Variants in NBAS observed in about 807,000 individuals in gnomAD.
NBAS encodes NBAS subunit of NRZ tethering complex, also known as NAG/BC035112 fusion.
In NBAS, 219 loss-of-function variants were observed where a neutral mutation model predicts 302.5. The ratio of observed to expected loss-of-function variants is 0.72; its 90% CI spans 0.65 to 0.81. The LOEUF is 0.81. Among genes scored for constraint, NBAS ranks in the 30% least tolerant of loss-of-function variants. NBAS has a pLI of 0.00. For synonymous variants in NBAS, 1,118 were observed against 1,021.6 expected (o/e 1.09, Z -1.80); for missense variants, 2,932 against 2,841.6 (o/e 1.03, Z -0.72).
chr2:15,040,968 C>G, the NBAS span, among the ~76,000 whole-genome samples: 4 of 152,296 alleles, frequency 2.6e-5, no homozygotes, highest in East Asian at 7.7e-4. Context: ...ATTAAACTTT[C>G]CTCTCCAGCT....
chr2:14,815,878 T>C, the NBAS span, among the ~76,000 whole-genome samples: 1 of 152,312 alleles, frequency 6.6e-6, no homozygotes, highest in East Asian at 1.9e-4. Flanking sequence ...TAGAAATCAC[T>C]GAGGCCTGCT....
intron 35 of NBAS, among the ~76,000 whole-genome samples, chr2:15,334,651 G>A (rs1183531570): frequency 6.6e-6 from 1 of 152,102 alleles, no homozygotes; most frequent in Non-Finnish European, 1.5e-5. Flanking sequence ...TGCAAATTCA[G>A]AAAAAGTATG....
intron 48 of NBAS, among the ~76,000 whole-genome samples, chr2:15,210,561 G>A (rs1666359446): frequency 6.6e-6 from 1 of 152,126 alleles, no homozygotes; most frequent in Admixed American, 6.5e-5. Flanking sequence ...AGAAGAGTTT[G>A]GAAGTTCCTC....
the NBAS span, among the ~76,000 whole-genome samples, chr2:14,915,379 C>T: frequency 2.4e-4 from 36 of 152,164 alleles, no homozygotes; most frequent in Non-Finnish European, 4.1e-4. Flanking sequence ...TTATGAGCTG[C>T]GTGACCTGGC....
chr2:15,084,688 G>GGGGT, the NBAS span, among the ~76,000 whole-genome samples: 64 of 130,936 alleles, frequency 4.9e-4, no homozygotes, highest in African/African-American at 2.8e-3. Context: ...TCGGCGGGGC[G>GGGGT]GGGGGGGTTC....
chr2:15,271,598 A>G (rs1669328243), intron 44 of NBAS, among the ~76,000 whole-genome samples: 1 of 152,230 alleles, frequency 6.6e-6, no homozygotes, highest in Non-Finnish European at 1.5e-5. Flanking sequence ...TTAAAGAAGG[A>G]TCCTGGCAAA....
At chr2:15,348,190 C>T (rs971124480) in intron 35 of NBAS, among the ~76,000 whole-genome samples, 1 of 152,250 alleles carries the variant, frequency 6.6e-6, no homozygotes, top group South Asian at 2.1e-4. Context: ...AGCCGTAATG[C>T]GTGCATTGCA....
intron 38 of NBAS, among the ~76,000 whole-genome samples, chr2:15,319,829 G>T (rs1671710176): frequency 6.6e-6 from 1 of 152,042 alleles, no homozygotes; most frequent in African/African-American, 2.4e-5. Flanking sequence ...AGAGGAGCTG[G>T]TACCATTCCT....
chr2:15,145,401 A>ACG, the NBAS span, among the ~76,000 whole-genome samples: 1 of 148,116 alleles, frequency 6.8e-6, no homozygotes, highest in African/African-American at 2.5e-5. Flanking sequence ...GTTTGTTTGT[A>ACG]TGTGTGTGTG....
chr2:15,329,648 C>T (rs1363928519), intron 36 of NBAS, among the ~76,000 whole-genome samples: 2 of 152,182 alleles, frequency 1.3e-5, no homozygotes, highest in African/African-American at 4.8e-5. Context: ...GATCTCATCT[C>T]CTACCATTCT....
chr2:15,505,223 T>C (rs1237718754), intron 10 of NBAS, among the ~76,000 whole-genome samples: 7 of 152,028 alleles, frequency 4.6e-5, no homozygotes, highest in African/African-American at 1.5e-4. Context: ...AAAAGCAAAT[T>C]GAAAAACACC....
intron 48 of NBAS, among the ~76,000 whole-genome samples, chr2:15,197,455 C>A (rs912796157): frequency 2.6e-5 from 4 of 152,126 alleles, no homozygotes; most frequent in African/African-American, 9.7e-5. Flanking sequence ...TCATTCAATT[C>A]CACAAACACT....
In NBAS at chr2:15,277,052, C is replaced by G. The variant is rs756699500; in HGVS notation, c.5188G>C (p.Glu1730Gln). The G allele has an allele frequency of 6.2e-7, 1 of 1,613,734 alleles. No homozygotes were observed. The change falls in exon 43 of 52, where the codon GAG (glutamate) becomes CAG (glutamine). Residue 1730 changes from glutamate to glutamine, a missense_variant. Coordinates refer to ENST00000281513, the MANE Select transcript of NBAS (RefSeq NM_015909.4). ...ENRAQDLHLF[E>Q]TLKTDPEAFH... ...GCTTCTGGATCAGTCTTCAAAGTCT[C>G]AAAGAGATGAAGGTCTTGGGCTCTA...
the NBAS span, among the ~76,000 whole-genome samples, chr2:15,135,808 A>G: frequency 6.6e-6 from 1 of 151,724 alleles, no homozygotes; most frequent in South Asian, 2.1e-4. Flanking sequence ...GACACACTGG[A>G]AAAAGAATTG....
chr2:15,151,455 A>G, the NBAS span, among the ~76,000 whole-genome samples: 1 of 152,248 alleles, frequency 6.6e-6, no homozygotes, highest in Non-Finnish European at 1.5e-5. Context: ...CCAAACAGCT[A>G]CAATAGCTAA....
chr2:15,059,766 C>T, the NBAS span, among the ~76,000 whole-genome samples: 3 of 152,080 alleles, frequency 2.0e-5, no homozygotes, highest in African/African-American at 2.4e-5. Flanking sequence ...AAGACTTGGG[C>T]TGAAAACTTA....
chr2:14,927,227 C>T, the NBAS span, among the ~76,000 whole-genome samples: 1 of 152,192 alleles, frequency 6.6e-6, no homozygotes, highest in African/African-American at 2.4e-5. Flanking sequence ...TCCACAATGA[C>T]GTGAGTCAGT....
chr2:15,411,564 G>C (rs1414021036), intron 25 of NBAS, among the ~76,000 whole-genome samples: 2 of 152,050 alleles, frequency 1.3e-5, no homozygotes, highest in African/African-American at 2.4e-5. Context: ...ATATTCTACA[G>C]TAAGCATTAA....
At chr2:15,153,921 C>T in the NBAS span, among the ~76,000 whole-genome samples, 2 of 152,168 alleles carry the variant, frequency 1.3e-5, no homozygotes, top group South Asian at 4.1e-4. Flanking sequence ...TGTGTGTTAT[C>T]ATTAAGATTT....
Sources: gnomAD v4.1 joint callset for allele counts (sites outside exome capture counted in the v4.1 genomes callset) on GRCh38, gnomAD v4.1.1 for gene constraint, MANE v1.5 for transcripts, NCBI Gene and HGNC (gene_info 2026-07-23, HGNC 2026-07-21) for gene names.